The following CAMKMT variants were observed in gnomAD, a reference collection of about 807,000 sequenced individuals.
CAMKMT encodes the protein CaM KMT.
CAMKMT carries 53 observed loss-of-function variants against 48.0 expected under a neutral mutation model. That is an observed-to-expected ratio of 1.10 (90% CI 0.89 to 1.39). The LOEUF is 1.39. Among genes scored for constraint, CAMKMT ranks in the 40% most tolerant of loss-of-function variants. The pLI is 0.00. For synonymous variants in CAMKMT, 165 were observed against 152.3 expected (o/e 1.08, Z -0.61); for missense variants, 428 against 402.7 (o/e 1.06, Z -0.54).
intron 3 of CAMKMT, among the ~76,000 whole-genome samples, chr2:44,536,664 C>T (rs1666790161): frequency 6.6e-6 from 1 of 151,922 alleles, no homozygotes; most frequent in African/African-American, 2.4e-5. Flanking sequence ...AAAAAATAAT[C>T]CCCAAATTTG....
chr2:44,681,560 G>A (rs1445744289), intron 3 of CAMKMT, among the ~76,000 whole-genome samples: 1 of 151,400 alleles, frequency 6.6e-6, no homozygotes, highest in African/African-American at 2.4e-5. Flanking sequence ...TTTTTTGGAG[G>A]GGGAGGGGAA....
intron 1 of CAMKMT, among the ~76,000 whole-genome samples, chr2:44,362,767 A>T (rs1678064923): frequency 6.6e-6 from 1 of 152,226 alleles, no homozygotes; most frequent in African/African-American, 2.4e-5. Flanking sequence ...TGGGCTAGTC[A>T]AAGTGTGTTC....
chr2:44,505,955 C>G (rs1172879896), intron 3 of CAMKMT, among the ~76,000 whole-genome samples: 2 of 152,014 alleles, frequency 1.3e-5, no homozygotes, highest in African/African-American at 2.4e-5. Flanking sequence ...GCAACCTCCT[C>G]CTCTCGGGTT....
intron 3 of CAMKMT, among the ~76,000 whole-genome samples, chr2:44,631,288 C>G (rs774829125): frequency 6.6e-6 from 1 of 152,026 alleles, no homozygotes; most frequent in Non-Finnish European, 1.5e-5. Context: ...GAGAGATATA[C>G]CTAATGCTAG....
chr2:44,771,676 G>C (rs1372448473), intron 10 of CAMKMT, among the ~76,000 whole-genome samples: 1 of 152,162 alleles, frequency 6.6e-6, no homozygotes, highest in Non-Finnish European at 1.5e-5. Flanking sequence ...TGTGGCATTG[G>C]TCAGAGGCAG....
intron 3 of CAMKMT, among the ~76,000 whole-genome samples, chr2:44,585,379 A>G (rs1351132194): frequency 6.6e-6 from 1 of 152,242 alleles, no homozygotes; most frequent in Non-Finnish European, 1.5e-5. Flanking sequence ...TGATTCAGCC[A>G]CACATGACAT....
intron 1 of CAMKMT, among the ~76,000 whole-genome samples, chr2:44,366,832 G>A (rs1351908459): frequency 6.6e-6 from 1 of 151,936 alleles, no homozygotes; most frequent in African/African-American, 2.4e-5. Context: ...AACGATTCTT[G>A]TGCCTTAGTC....
intron 3 of CAMKMT, among the ~76,000 whole-genome samples, chr2:44,450,767 A>G (rs1033751069): frequency 2.6e-5 from 4 of 152,142 alleles, no homozygotes; most frequent in African/African-American, 9.6e-5. Context: ...TGGGTGTGAA[A>G]AATATTTCAA....
chr2:44,521,582 A>G (rs1204236045), intron 3 of CAMKMT, among the ~76,000 whole-genome samples: 3 of 152,200 alleles, frequency 2.0e-5, no homozygotes, highest in African/African-American at 2.4e-5. Flanking sequence ...CCCGTCTAGT[A>G]TCCCAATTTT....
chr2:44,533,797 T>C (rs1666616195), intron 3 of CAMKMT, among the ~76,000 whole-genome samples: 1 of 151,862 alleles, frequency 6.6e-6, no homozygotes, highest in Non-Finnish European at 1.5e-5. Context: ...TAAACCACAA[T>C]GATAAACAAT....
At chr2:44,469,273 T>G (rs1034870514) in intron 3 of CAMKMT, among the ~76,000 whole-genome samples, 1 of 152,102 alleles carries the variant, frequency 6.6e-6, no homozygotes, top group Non-Finnish European at 1.5e-5. Flanking sequence ...TTAAATATAA[T>G]AATAATTTTT....
intron 3 of CAMKMT, among the ~76,000 whole-genome samples, chr2:44,586,447 C>A (rs979992064): frequency 6.6e-6 from 1 of 152,104 alleles, no homozygotes; most frequent in African/African-American, 2.4e-5. Flanking sequence ...CTACCCTTCC[C>A]TAGGCAAATA....
At chr2:44,644,140 C>T (rs1181589154) in intron 3 of CAMKMT, among the ~76,000 whole-genome samples, 2 of 152,108 alleles carry the variant, frequency 1.3e-5, no homozygotes, top group African/African-American at 2.4e-5. Context: ...GTACAAGTGC[C>T]GAGGAATCTG....
chr2:44,507,536 T>A (rs1186587544), intron 3 of CAMKMT, among the ~76,000 whole-genome samples: 1 of 152,192 alleles, frequency 6.6e-6, no homozygotes, highest in Non-Finnish European at 1.5e-5. Flanking sequence ...TTCATCTCAT[T>A]TTTTTCTTGT....
chr2:44,490,580 G>A (rs989423282), intron 3 of CAMKMT, among the ~76,000 whole-genome samples: 4 of 149,644 alleles, frequency 2.7e-5, no homozygotes, highest in Non-Finnish European at 4.5e-5. Flanking sequence ...CAGCCTTATC[G>A]TTTTTCTAGA....
At chr2:44,762,352 G>T (rs747348928) in intron 9 of CAMKMT, among the ~76,000 whole-genome samples, 2 of 152,166 alleles carry the variant, frequency 1.3e-5, no homozygotes, top group Non-Finnish European at 2.9e-5. Flanking sequence ...TAGAAAATCA[G>T]CATAAGCTTA....
chr2:44,772,025 A>T lies in CAMKMT; in HGVS notation c.895-11A>T, dbSNP rs1341093617. On this transcript the variant is annotated splice_polypyrimidine_tract_variant and intron_variant, in intron 10 of 10. Transcript: ENST00000378494. The stretch of plus-strand genomic sequence containing the variant: ...GTCCCCTTACCTTTTTCTTTCTATT[A>T]TTGTTTTCAGTTGAAAAAGGAAAAC... The T allele has an allele frequency of 6.3e-7, 1 of 1,599,612 alleles. No individual in the cohort carries two copies. Among genetic ancestry groups the T allele is most frequent in the African/African-American group, 1.3e-5 (1 of 74,518 alleles).
At chr2:44,601,713 C>G (rs1386097604) in intron 3 of CAMKMT, among the ~76,000 whole-genome samples, 1 of 151,802 alleles carries the variant, frequency 6.6e-6, no homozygotes. Context: ...TGCTCTAAGA[C>G]ATTGAATACC....
intron 10 of CAMKMT, 70 bp from the exon 11 acceptor site, chr2:44,771,966 C>T (rs1283558438): frequency 5.8e-6 from 6 of 1,040,722 alleles, no homozygotes; most frequent in Non-Finnish European, 8.9e-6. Context: ...TGATACTCAA[C>T]ATTAATATTG....
Sources: allele counts gnomAD v4.1 joint callset (sites outside exome capture counted in the v4.1 genomes callset), GRCh38; gene constraint gnomAD v4.1.1; transcripts MANE v1.5; gene names NCBI Gene and HGNC (gene_info 2026-07-23, HGNC 2026-07-21).